The following MAF variants were observed in gnomAD, a reference collection of about 807,000 sequenced individuals.
MAF encodes the protein MAF bZIP transcription factor.
Under a neutral mutation model 22.0 loss-of-function variants are expected in MAF, and 10 were observed. The ratio of observed to expected loss-of-function variants is 0.45; its 90% CI spans 0.28 to 0.77. MAF has a LOEUF of 0.77. Among genes scored for constraint, MAF ranks in the 30% least tolerant of loss-of-function variants. MAF has a pLI of 0.12. For synonymous variants in MAF, 337 were observed against 255.8 expected, an observed-to-expected ratio of 1.32 and a Z score of -3.03; for missense variants, 544 against 548.4, an observed-to-expected ratio of 0.99 and a Z score of 0.08.
the MAF span, among the ~76,000 whole-genome samples, chr16:79,324,118 T>C: frequency 6.6e-6 from 1 of 152,238 alleles, no homozygotes; most frequent in South Asian, 2.1e-4. Context: ...TGCTTTTACA[T>C]GACTTCTGAC....
chr16:79,536,577 G>A, the MAF span, among the ~76,000 whole-genome samples: 1 of 152,192 alleles, frequency 6.6e-6, no homozygotes, highest in Admixed American at 6.5e-5. Flanking sequence ...GGGAGGCAGA[G>A]GTTGCAGTGA....
At chr16:79,578,283 G>A in the MAF span, among the ~76,000 whole-genome samples, 1 of 151,826 alleles carries the variant, frequency 6.6e-6, no homozygotes, top group Non-Finnish European at 1.5e-5. Context: ...TATGCTTTGG[G>A]GTGAGTTTTT....
At chr16:79,304,340 C>T in the MAF span, among the ~76,000 whole-genome samples, 4 of 152,252 alleles carry the variant, frequency 2.6e-5, no homozygotes, top group East Asian at 1.9e-4. Context: ...GCAGTTATAC[C>T]GCTTGGACAC....
chr16:79,490,021 T>C, the MAF span, among the ~76,000 whole-genome samples: 5 of 152,154 alleles, frequency 3.3e-5, no homozygotes, highest in African/African-American at 7.2e-5. Flanking sequence ...CATCATCTCA[T>C]GAGGAAAGAC....
the MAF span, among the ~76,000 whole-genome samples, chr16:79,419,513 T>C: frequency 5.3e-5 from 8 of 152,216 alleles, no homozygotes; most frequent in African/African-American, 1.9e-4. Flanking sequence ...GATGAGCCTG[T>C]TTCAGGCTTC....
the MAF span, among the ~76,000 whole-genome samples, chr16:79,452,861 G>T: frequency 3.3e-5 from 5 of 152,126 alleles, no homozygotes; most frequent in South Asian, 8.3e-4. Context: ...TTACAGAGTC[G>T]CGAGATGAAA....
the MAF span, among the ~76,000 whole-genome samples, chr16:79,406,275 C>G: frequency 6.6e-6 from 1 of 152,236 alleles, no homozygotes; most frequent in African/African-American, 2.4e-5. Flanking sequence ...CAAACCAAGA[C>G]AGAGTGGTCT....
At chr16:79,290,834 G>C in the MAF span, among the ~76,000 whole-genome samples, 3 of 151,944 alleles carry the variant, frequency 2.0e-5, no homozygotes, top group Non-Finnish European at 4.4e-5. Flanking sequence ...CACTGAGGCT[G>C]GTCCTCCATG....
At chr16:79,545,805 A>G in the MAF span, among the ~76,000 whole-genome samples, 1 of 152,176 alleles carries the variant, frequency 6.6e-6, no homozygotes, top group Admixed American at 6.5e-5. Flanking sequence ...GAGAGGAGGA[A>G]TAAGTCCAAG....
At chr16:79,325,679 A>G in the MAF span, among the ~76,000 whole-genome samples, 4 of 152,146 alleles carry the variant, frequency 2.6e-5, no homozygotes, top group Admixed American at 2.6e-4. Context: ...CTAGAAGAAC[A>G]AAGCAAGATA....
At chr16:79,406,356 T>A in the MAF span, among the ~76,000 whole-genome samples, 1 of 152,208 alleles carries the variant, frequency 6.6e-6, no homozygotes, top group Non-Finnish European at 1.5e-5. Flanking sequence ...CAGGATATCA[T>A]AGACTGAGTG....
At chr16:79,503,364 T>G in the MAF span, among the ~76,000 whole-genome samples, 9 of 152,150 alleles carry the variant, frequency 5.9e-5, no homozygotes, top group African/African-American at 2.4e-5. Flanking sequence ...AAATTTTTAT[T>G]TACAAGGACT....
At chr16:79,474,915 C>T in the MAF span, among the ~76,000 whole-genome samples, 10 of 152,200 alleles carry the variant, frequency 6.6e-5, no homozygotes, top group Admixed American at 2.0e-4. Flanking sequence ...AATTCAAATA[C>T]ACATCCTAGC....
At chr16:79,262,591 T>G in the MAF span, among the ~76,000 whole-genome samples, 710 of 152,244 alleles carry the variant, frequency 4.7e-3, 6 homozygotes, top group African/African-American at 0.016. Context: ...AATGGCAATT[T>G]GTTCACAGCA....
At chr16:79,534,274 T>A in the MAF span, among the ~76,000 whole-genome samples, 1 of 152,206 alleles carries the variant, frequency 6.6e-6, no homozygotes, top group Non-Finnish European at 1.5e-5. Context: ...AAGTTAGGTG[T>A]CACGCACACT....
At chr16:79,448,969 G>A in the MAF span, among the ~76,000 whole-genome samples, 180 of 152,184 alleles carry the variant, frequency 1.2e-3, 1 homozygote, top group African/African-American at 4.1e-3. Flanking sequence ...TATATATAAT[G>A]AAATAATTAT....
the MAF span, among the ~76,000 whole-genome samples, chr16:79,220,247 C>A: frequency 2.4e-5 from 2 of 84,116 alleles, no homozygotes; most frequent in Non-Finnish European, 4.6e-5. Context: ...CAGAGTGAGA[C>A]TCCATCTCAA....
chr16:79,227,118 C>A, the MAF span, among the ~76,000 whole-genome samples: 1 of 152,138 alleles, frequency 6.6e-6, no homozygotes, highest in African/African-American at 2.4e-5. Flanking sequence ...CAGCAGGATC[C>A]TTTCAGTCCA....
the MAF span, among the ~76,000 whole-genome samples, chr16:79,535,604 T>TTC: frequency 4.7e-5 from 7 of 149,298 alleles, no homozygotes; most frequent in South Asian, 2.2e-4. Flanking sequence ...TTTTTTTTTT[T>TTC]CCGAGACAGA....
Sources: allele counts gnomAD v4.1 joint callset (sites outside exome capture counted in the v4.1 genomes callset), GRCh38; gene constraint gnomAD v4.1.1; transcripts MANE v1.5; gene names NCBI Gene and HGNC (gene_info 2026-07-23, HGNC 2026-07-21).